The following SRRM4 variants were observed in gnomAD, a reference collection of about 807,000 sequenced individuals.
The protein encoded by SRRM4 is serine/arginine repetitive matrix 4.
Under a neutral mutation model 68.9 loss-of-function variants are expected in SRRM4, and 33 were observed. The ratio of observed to expected loss-of-function variants is 0.48; its 90% CI spans 0.36 to 0.64. SRRM4 has a LOEUF of 0.64. SRRM4 is among the 30% of genes least tolerant of loss of function. SRRM4 has a pLI of 0.00. For missense variants in SRRM4, 817 were observed against 827.1 expected (o/e 0.99, Z 0.15); for synonymous variants, 318 against 318.8 (o/e 1.00, Z 0.03).
intron 8 of SRRM4, among the ~76,000 whole-genome samples, chr12:119,133,904 G>C (rs952043358): frequency 6.6e-6 from 1 of 152,144 alleles, no homozygotes; most frequent in African/African-American, 2.4e-5. Context: ...ATGCTTATTT[G>C]GGGGTGCAAG....
At chr12:119,004,816 G>A (rs1463060260) in intron 1 of SRRM4, among the ~76,000 whole-genome samples, 4 of 151,928 alleles carry the variant, frequency 2.6e-5, no homozygotes, top group East Asian at 2.0e-4. Flanking sequence ...AAGTGAAGAC[G>A]ATGTCCAGTG....
chr12:119,136,863 C>T (rs1954332317), intron 8 of SRRM4, among the ~76,000 whole-genome samples: 1 of 152,130 alleles, frequency 6.6e-6, no homozygotes, highest in African/African-American at 2.4e-5. Flanking sequence ...CAGACCACCT[C>T]TGCCTACCAA....
At chr12:119,017,729 A>C (rs983539113) in intron 1 of SRRM4, among the ~76,000 whole-genome samples, 3 of 152,178 alleles carry the variant, frequency 2.0e-5, no homozygotes, top group Non-Finnish European at 4.4e-5. Context: ...GGTCCGTCTC[A>C]TCTTTGCTCT....
rs143485697 is a variant in SRRM4 at position 119,012,604 on chromosome 12, A to G, written c.131+30591A>G. ...TCAACTAACAGACTCCCCCAAGATG[A>G]TCTTTGTCTACCACTGAGTCCCGCT... On this transcript the variant is annotated intron_variant, in intron 1 of 12. Transcript: ENST00000267260. Among the ~76,000 whole-genome samples the G allele has an allele frequency of 3.2e-3, 487 of 152,244 alleles. 3 individuals are homozygous for G. Among genetic ancestry groups the G allele is most frequent in the Middle Eastern group, 6.8e-3 (2 of 294 alleles).
At chr12:119,088,644 C>A (rs560637112) in intron 1 of SRRM4, among the ~76,000 whole-genome samples, 1 of 139,214 alleles carries the variant, frequency 7.2e-6, no homozygotes, top group East Asian at 2.1e-4. Flanking sequence ...GAACACAGTG[C>A]AGTAAAGAAT....
chr12:119,122,015 T>C (rs1954222544), intron 5 of SRRM4, 55 bp from the exon 6 acceptor site: 2 of 1,180,774 alleles, frequency 1.7e-6, no homozygotes, highest in South Asian at 2.4e-5. Flanking sequence ...TAACTACTTG[T>C]TTATCTTTAA....
intron 1 of SRRM4, among the ~76,000 whole-genome samples, chr12:119,022,322 C>G (rs1565891141): frequency 6.6e-6 from 1 of 151,966 alleles, no homozygotes; most frequent in Non-Finnish European, 1.5e-5. Flanking sequence ...TTGTCAAGAC[C>G]CACTCTGTGC....
chr12:119,053,030 T>G (rs1953754733), intron 1 of SRRM4, among the ~76,000 whole-genome samples: 1 of 152,248 alleles, frequency 6.6e-6, no homozygotes. Context: ...AAAGTGATTG[T>G]ACTTTCAATT....
chr12:118,988,139 A>C (rs1594015259), intron 1 of SRRM4, among the ~76,000 whole-genome samples: 1 of 151,478 alleles, frequency 6.6e-6, no homozygotes, highest in Middle Eastern at 3.4e-3. Flanking sequence ...AAAAAAAAAC[A>C]GCGAAGGGAG....
At chr12:119,088,958 C>T (rs183325303) in intron 1 of SRRM4, among the ~76,000 whole-genome samples, 1 of 152,284 alleles carries the variant, frequency 6.6e-6, no homozygotes, top group Non-Finnish European at 1.5e-5. Context: ...TGGACACTAT[C>T]GTTATCCCAG....
At chr12:119,075,769 GGTGGTGATGATGA>G (rs1953907939) in intron 1 of SRRM4, among the ~76,000 whole-genome samples, 1 of 52,550 alleles carries the variant, frequency 1.9e-5, no homozygotes. Flanking sequence ...TGGTGATGAT[GGTGGTGATGATGA>G]TAGCGATGAT....
intron 8 of SRRM4, among the ~76,000 whole-genome samples, chr12:119,138,028 A>G (rs952460895): frequency 7.9e-5 from 12 of 152,086 alleles, no homozygotes; most frequent in African/African-American, 2.9e-4. Flanking sequence ...TCCAACTTAG[A>G]GGTCTTGGTG....
At chr12:119,011,850 C>G (rs1953451700) in intron 1 of SRRM4, among the ~76,000 whole-genome samples, 1 of 151,984 alleles carries the variant, frequency 6.6e-6, no homozygotes, top group African/African-American at 2.4e-5. Context: ...AATTGGAAGA[C>G]CTGGTTGCCA....
chr12:119,021,923 A>C (rs1315832629), intron 1 of SRRM4, among the ~76,000 whole-genome samples: 1 of 152,202 alleles, frequency 6.6e-6, no homozygotes, highest in African/African-American at 2.4e-5. Context: ...AGAATGATTT[A>C]TATTCCTTTG....
rs766200644 is a variant in SRRM4 at position 119,111,740 on chromosome 12, C to A, written c.279-2538C>A. Among the ~76,000 whole-genome samples the A allele has an allele frequency of 4.6e-5, 7 of 152,200 alleles. 1 individual carries two copies. The highest frequency in any genetic ancestry group is 8.8e-5 in the Non-Finnish European group (6 of 68,044). On this transcript the variant is annotated intron_variant, in intron 2 of 12. Coordinates refer to ENST00000267260, the MANE Select transcript of SRRM4 (RefSeq NM_194286.4). ...TTAGGCTTTTGCCCTGTGACAAGCA[C>A]TCTTTAAGGAAATAATTTGGTGGCC...
At chr12:119,138,424 A>C (rs1266810457) in intron 8 of SRRM4, among the ~76,000 whole-genome samples, 1 of 152,152 alleles carries the variant, frequency 6.6e-6, no homozygotes, top group Non-Finnish European at 1.5e-5. Context: ...GCTTCCAGAT[A>C]GTATTCTCTG....
intron 1 of SRRM4, chr12:118,989,995 G>A (rs1283132554): frequency 1.3e-5 from 2 of 152,228 alleles, no homozygotes; most frequent in Admixed American, 6.5e-5. Context: ...CTCACTTGTG[G>A]TGGGAATGTG....
intron 1 of SRRM4, among the ~76,000 whole-genome samples, chr12:119,085,694 C>T (rs1953975739): frequency 1.3e-5 from 2 of 152,180 alleles, no homozygotes; most frequent in Admixed American, 1.3e-4. Flanking sequence ...GCTTTGTCTC[C>T]TGCATGGACA....
At chr12:119,066,218 T>C (rs1953844931) in intron 1 of SRRM4, among the ~76,000 whole-genome samples, 1 of 152,224 alleles carries the variant, frequency 6.6e-6, no homozygotes, top group Non-Finnish European at 1.5e-5. Context: ...CTATTATTTA[T>C]TGAGCTTCTT....
Sources: gnomAD v4.1 joint callset for allele counts (sites outside exome capture counted in the v4.1 genomes callset) on GRCh38, gnomAD v4.1.1 for gene constraint, MANE v1.5 for transcripts, NCBI Gene and HGNC (gene_info 2026-07-23, HGNC 2026-07-21) for gene names.